Variants in CLN6 observed in about 807,000 individuals in gnomAD.
The protein encoded by CLN6 is ceroid-lipofuscinosis neuronal protein 6.
CLN6 carries 22 observed loss-of-function variants against 33.3 expected under a neutral mutation model. The observed-to-expected ratio is 0.66, with a 90% CI of 0.47 to 0.94. The LOEUF (loss-of-function observed/expected upper bound fraction) is 0.94. CLN6 is among the 40% of genes least tolerant of loss of function. The pLI is 0.00. For missense variants in CLN6, 387 were observed against 417.1 expected (o/e 0.93, Z 0.63); for synonymous variants, 201 against 174.6 (o/e 1.15, Z -1.19).
At chr15:68,255,519 C>CTA (rs1892424979) in intron 1 of CLN6, among the ~76,000 whole-genome samples, 1 of 152,222 alleles carries the variant, frequency 6.6e-6, no homozygotes, top group South Asian at 2.1e-4. Context: ...CAACCTCACT[C>CTA]TAAACTTTCC....
At chr15:68,233,313 G>T (rs1806607061), upstream of CLN6, among the ~76,000 whole-genome samples, 1 of 143,676 alleles carries the variant, frequency 7.0e-6, no homozygotes, top group Non-Finnish European at 1.5e-5. The surrounding 1 kb of genome is among the most constrained non-coding windows in gnomAD (Gnocchi z 4.3). Flanking sequence ...GGGGGTGGGG[G>T]GGGTGGTGCC....
chr15:68,254,636 C>T (rs1042641283), intron 1 of CLN6: 6 of 669,222 alleles, frequency 9.0e-6, no homozygotes, highest in South Asian at 1.6e-5. Flanking sequence ...CACCACCGTG[C>T]CCAGGAGAAA....
intron 2 of CLN6, 67 bp downstream of exon 2, chr15:68,218,469 G>C (rs899638753): frequency 5.5e-5 from 64 of 1,168,442 alleles, no homozygotes; most frequent in Non-Finnish European, 7.3e-5. Context: ...AAGGTCACTC[G>C]GCAAATTCAA....
intron 1 of CLN6, among the ~76,000 whole-genome samples, chr15:68,222,648 T>C (rs943204017): frequency 7.2e-5 from 11 of 151,826 alleles, no homozygotes; most frequent in African/African-American, 2.7e-4. Context: ...CCATTGAGAA[T>C]GGGCCATGAT....
rs1249077356 is a variant in CLN6, at chr15:68,241,419, A to G, written c.179+15271T>C. ...TACATCCATGACTCCCCTCCCTATA[A>G]TCTGCCCAGCACCAAGTGTGTGGGA... On this transcript the variant is annotated intron_variant, in intron 1 of 6. Coordinates refer to the CLN6 transcript ENST00000538696. This position sits in a 1 kb window ranked among gnomAD's most constrained non-coding sequence, Gnocchi z 4.2. Among the ~76,000 whole-genome samples, 2 of 152,110 alleles carry G rather than the reference A, an allele frequency of 1.3e-5. No individual in the cohort carries two copies. Among genetic ancestry groups the G allele is most frequent in the African/African-American group, 2.4e-5 (1 of 41,448 alleles).
chr15:68,250,617 T>G (rs1226516143), intron 1 of CLN6, among the ~76,000 whole-genome samples: 1 of 135,860 alleles, frequency 7.4e-6, no homozygotes, highest in East Asian at 2.1e-4. Context: ...AGAGCGAGAC[T>G]CTGTCTCAAA....
At position 68,210,880 on chromosome 15, in the gene CLN6, C is replaced by T. The variant is rs530364887; in HGVS notation, c.542+383G>A. Among the ~76,000 whole-genome samples the T allele has an allele frequency of 2.4e-3, 372 of 152,290 alleles. 1 individual carries two copies. Among genetic ancestry groups the T allele is most frequent in the South Asian group, 4.1e-3 (20 of 4,828 alleles). On this transcript the variant is annotated intron_variant, in intron 5 of 6. Coordinates refer to ENST00000249806, the MANE Select transcript of CLN6 (RefSeq NM_017882.3). This position sits in a 1 kb window ranked among gnomAD's most constrained non-coding sequence, Gnocchi z 5.6. Reference sequence around the variant, plus strand: ...GGGGTCCCTGGCTGTGCCCCCACCCCCTGCCATCACCATCTGGGGGTTGTT... The same window carrying T: ...GGGGTCCCTGGCTGTGCCCCCACCCTCTGCCATCACCATCTGGGGGTTGTT...
rs900570307 is a variant in CLN6 at position 68,241,751 on chromosome 15, C to G, written c.179+14939G>C. Among the ~76,000 whole-genome samples, 5 of 152,164 alleles carry G rather than the reference C, an allele frequency of 3.3e-5. No homozygotes were observed. Among genetic ancestry groups the G allele is most frequent in the South Asian group, 2.1e-4 (1 of 4,824 alleles). ...TTCCACAGGTCTCCTGGGCACTAAT[C>G]CCCAGCCAGCCTATCCATACTGCCA... On this transcript the variant is annotated intron_variant, in intron 1 of 6. Coordinates refer to the CLN6 transcript ENST00000538696. This position sits in a 1 kb window ranked among gnomAD's most constrained non-coding sequence, Gnocchi z 4.2.
chr15:68,255,382 C>CA (rs59092931), intron 1 of CLN6, among the ~76,000 whole-genome samples: 13,003 of 152,120 alleles, frequency 0.085, 1,637 homozygotes, highest in African/African-American at 0.27. Flanking sequence ...TGGAACCCCT[C>CA]AAAAAAGCAG....
rs929560412 is a variant in CLN6 at position 68,236,423 on chromosome 15, A to G, written c.180-17773T>C. Among the ~76,000 whole-genome samples the G allele has an allele frequency of 6.6e-6, 1 of 152,274 alleles. No individual in the cohort carries two copies. The highest frequency in any genetic ancestry group is 1.5e-5 in the Non-Finnish European group (1 of 68,044). ...ATTCAGTGGACTATTATACAGCTAT[A>G]AGAAGGCACTAAGTACTGATGTAAC... On this transcript the variant is annotated intron_variant, in intron 1 of 6. Transcript: ENST00000538696. This position sits in a 1 kb window ranked among gnomAD's most constrained non-coding sequence, Gnocchi z 4.5.
chr15:68,209,748 A>G lies in CLN6; in HGVS notation c.554T>C (p.Phe185Ser), dbSNP rs2093199257. 6.2e-7 allele frequency: 1 copy of G among 1,613,376 alleles called. No individual in the cohort carries two copies. Among genetic ancestry groups the G allele is most frequent in the Non-Finnish European group, 8.5e-7 (1 of 1,179,834 alleles). The change falls in exon 6 of 7, where the codon TTC becomes TCC. Residue 185 changes from phenylalanine to serine, a missense_variant. Coordinates refer to ENST00000249806, the MANE Select transcript of CLN6 (RefSeq NM_017882.3). This position sits in a 1 kb window ranked among gnomAD's most constrained non-coding sequence, Gnocchi z 4.9. Reference protein sequence around the residue: ...YLGHCMWYIPFFLILFMYFSG... With the variant: ...YLGHCMWYIPSFLILFMYFSG... ...GAAGTACATGAAGAGGATGAGGAAG[A>G]AGGGGATGTACCTGTGACAGGAAGG...
upstream of CLN6, chr15:68,229,795 G>A (rs1252455361): frequency 1.4e-5 from 5 of 348,880 alleles, no homozygotes; most frequent in Admixed American, 9.8e-5. Context: ...GGGGCGGAGG[G>A]AGACGGGGCG....
rs143477631 is a variant in CLN6, at chr15:68,235,711, C to T, written c.180-17061G>A. On this transcript the variant is annotated intron_variant, in intron 1 of 6. Transcript: ENST00000538696. ...CACTGACTGACAGAGGCTAACATAG[C>T]TCTGTATTTGTCAACACCCTGGCAC... Among the ~76,000 whole-genome samples the T allele has an allele frequency of 9.5e-3, 1,433 of 151,436 alleles. 20 individuals are homozygous for T. The highest frequency in any genetic ancestry group is 0.032 in the African/African-American group (1,319 of 40,974).
At chr15:68,214,655 G>A (rs1450092624) in intron 2 of CLN6, 3 of 438,164 alleles carry the variant, frequency 6.8e-6, no homozygotes, top group East Asian at 9.1e-5. Context: ...GCCTGACCCT[G>A]TGCCCCTCAC....
rs563851812 is a variant in CLN6, at chr15:68,211,413, C to G, written c.487-95G>C. On this transcript the variant is annotated intron_variant, in intron 4 of 6. Transcript: ENST00000249806. This position sits in a 1 kb window ranked among gnomAD's most constrained non-coding sequence, Gnocchi z 5.9. ...AGCATCCCCTCTGACCACCCTTCTCCCAGTCCCAGGCCTCCCCCACTGCCT... is the reference window on the plus strand; with the variant it reads ...AGCATCCCCTCTGACCACCCTTCTCGCAGTCCCAGGCCTCCCCCACTGCCT... 7.1e-5 allele frequency: 110 copies of G among 1,541,944 alleles called. No individual in the cohort carries two copies. In the African/African-American group the frequency reaches 1.2e-3, roughly 17 times the overall value.
At chr15:68,239,053 A>G (rs1283368673) in intron 1 of CLN6, among the ~76,000 whole-genome samples, 1 of 152,202 alleles carries the variant, frequency 6.6e-6, no homozygotes, top group Non-Finnish European at 1.5e-5. Context: ...TGTTCACTTT[A>G]GATGTTGTTA....
chr15:68,211,609 T>G lies in CLN6; in HGVS notation c.486+66A>C, dbSNP rs749797436. The G allele has an allele frequency of 6.2e-6, 10 of 1,606,796 alleles. No individual in the cohort carries two copies. Among genetic ancestry groups the G allele is most frequent in the Non-Finnish European group, 8.5e-6 (10 of 1,179,888 alleles). On this transcript the variant is annotated intron_variant, in intron 4 of 6. Transcript: ENST00000249806. The surrounding 1 kb of genome is among the most constrained non-coding windows in gnomAD (Gnocchi z 5.9). The stretch of plus-strand genomic sequence containing the variant: ...GGTGCGGCGAGGGGTGGGGGCCATT[T>G]CTTCAGCCTCCCAGGACAGACTGTG...
chr15:68,240,586 G>A (rs1281206892), intron 1 of CLN6, among the ~76,000 whole-genome samples: 4 of 151,790 alleles, frequency 2.6e-5, no homozygotes, highest in Non-Finnish European at 5.9e-5. Flanking sequence ...GGGCAACAGA[G>A]CGAGACTCTG....
chr15:68,217,384 C>T (rs2093223443), intron 2 of CLN6, among the ~76,000 whole-genome samples: 1 of 152,124 alleles, frequency 6.6e-6, no homozygotes, highest in Admixed American at 6.5e-5. Context: ...TGCACATCAC[C>T]ACACCCAGCT....
Sources: gnomAD v4.1 joint callset for allele counts (sites outside exome capture counted in the v4.1 genomes callset) on GRCh38, gnomAD v4.1.1 for gene constraint, Gnocchi (gnomAD v3.1) non-coding constraint, MANE v1.5 for transcripts, NCBI Gene and HGNC (gene_info 2026-07-23, HGNC 2026-07-21) for gene names.